The following TBC1D22B variants were observed in gnomAD, a reference collection of about 807,000 sequenced individuals.
TBC1D22B encodes chromosome 6 open reading frame 197.
TBC1D22B carries 32 observed loss-of-function variants against 69.1 expected under a neutral mutation model. That is an observed-to-expected ratio of 0.46 (90% CI 0.35 to 0.62). The LOEUF (loss-of-function observed/expected upper bound fraction) is 0.62. Ranked by LOEUF, TBC1D22B falls within the 20% of genes least tolerant of loss-of-function variation. TBC1D22B has a pLI of 0.00. For synonymous variants in TBC1D22B, 206 were observed against 229.8 expected (o/e 0.90, Z 0.94); for missense variants, 462 against 630.9 (o/e 0.73, Z 2.87).
intron 6 of TBC1D22B, among the ~76,000 whole-genome samples, chr6:37,286,354 C>T (rs1419383509): frequency 1.3e-5 from 2 of 148,482 alleles, no homozygotes; most frequent in African/African-American, 2.5e-5. Context: ...CTTGCTCTGT[C>T]GCCCAGGCTG....
intron 12 of TBC1D22B, among the ~76,000 whole-genome samples, chr6:37,318,923 A>G (rs1768161184): frequency 1.3e-5 from 2 of 152,152 alleles, no homozygotes; most frequent in Non-Finnish European, 2.9e-5. Context: ...TTTAATAGGT[A>G]TATACCTCTT....
chr6:37,332,897 A>T lies in TBC1D22B; in HGVS notation c.*1725A>T. On this transcript the variant is annotated 3_prime_UTR_variant, in exon 13 of 13. Coordinates refer to ENST00000373491, the MANE Select transcript of TBC1D22B (RefSeq NM_017772.4). The stretch of plus-strand genomic sequence containing the variant: ...TCCCAAGTGGTGGTTTTATTTTTTT[A>T]GTTTTTATGTTTGTATGGGAAATTG... 6.6e-6 allele frequency: 1 copy of T among 152,450 alleles called. No individual in the cohort carries two copies. Among genetic ancestry groups the T allele is most frequent in the East Asian group, 1.9e-4 (1 of 5,190 alleles). The allele number at this position is 152,450 out of a possible 1,614,324, so 9.4% of individuals were successfully genotyped here. A position where few individuals can be genotyped will look rare whatever the true frequency, so the allele number is the denominator to read the frequency against.
rs927043787 is a variant in TBC1D22B at position 37,281,418 on chromosome 6, G to A, written c.422-767G>A. Among the ~76,000 whole-genome samples the A allele has an allele frequency of 4.0e-5, 6 of 150,640 alleles. No homozygotes were observed. The South Asian group carries it at 6.2e-4, about 16-fold the overall frequency. On this transcript the variant is annotated intron_variant, in intron 3 of 12. Transcript: ENST00000373491. The stretch of plus-strand genomic sequence containing the variant: ...AATGTCAAGAACAAGACAGAGTTCA[G>A]TTTGAGTCTTTGTTTGTTATTTCAG...
At chr6:37,286,917 C>A in intron 6 of TBC1D22B, 90 bp from the exon 7 acceptor site, 1 of 1,198,796 alleles carries the variant, frequency 8.3e-7, no homozygotes, top group Non-Finnish European at 1.2e-6. Flanking sequence ...GCACTCCAGC[C>A]TGGGGGACAA....
At chr6:37,290,480 G>A (rs909506735) in intron 7 of TBC1D22B, among the ~76,000 whole-genome samples, 3 of 152,138 alleles carry the variant, frequency 2.0e-5, no homozygotes, top group African/African-American at 4.8e-5. Context: ...GTGGGACAGG[G>A]CATGATTATG....
chr6:37,305,701 T>C (rs1207789738), intron 8 of TBC1D22B, among the ~76,000 whole-genome samples: 5 of 152,106 alleles, frequency 3.3e-5, no homozygotes, highest in Non-Finnish European at 7.4e-5. Context: ...TTTGTATTTT[T>C]AGTAGAGACA....
chr6:37,285,219 C>T (rs1192096158), intron 6 of TBC1D22B, among the ~76,000 whole-genome samples: 2 of 151,732 alleles, frequency 1.3e-5, no homozygotes, highest in Non-Finnish European at 2.9e-5. Flanking sequence ...CTGGGAAATC[C>T]CTGAGTTGAA....
At chr6:37,293,003 G>A (rs780110790) in intron 8 of TBC1D22B, among the ~76,000 whole-genome samples, 5 of 151,792 alleles carry the variant, frequency 3.3e-5, no homozygotes, top group Non-Finnish European at 7.4e-5. Flanking sequence ...TCAAAAGCGT[G>A]TGTTCACTTT....
intron 12 of TBC1D22B, among the ~76,000 whole-genome samples, chr6:37,322,472 G>A (rs779107881): frequency 1.6e-4 from 25 of 152,256 alleles, no homozygotes; most frequent in Middle Eastern, 3.4e-3. Context: ...AGCCGAGATC[G>A]TGCCAGTGCA....
At chr6:37,293,313 GT>G (rs1562053233) in intron 8 of TBC1D22B, among the ~76,000 whole-genome samples, 1 of 151,960 alleles carries the variant, frequency 6.6e-6, no homozygotes, top group African/African-American at 2.4e-5. Context: ...TCCTGACCTC[GT>G]GATCCGCCCA....
At chr6:37,275,966 C>CTTTTTTT (rs149995165) in intron 2 of TBC1D22B, among the ~76,000 whole-genome samples, 43 of 133,224 alleles carry the variant, frequency 3.2e-4, no homozygotes, top group African/African-American at 1.1e-3. Context: ...TTCTTTTTTT[C>CTTTTTTT]TTTTTTTTTT....
intron 12 of TBC1D22B, among the ~76,000 whole-genome samples, chr6:37,317,791 G>A (rs1768124957): frequency 6.6e-6 from 1 of 152,122 alleles, no homozygotes; most frequent in African/African-American, 2.4e-5. Context: ...GGAAGGTGAA[G>A]GAGCAAGCCA....
At chr6:37,298,016 AG>A (rs986255221) in intron 8 of TBC1D22B, among the ~76,000 whole-genome samples, 1 of 152,162 alleles carries the variant, frequency 6.6e-6, no homozygotes. Context: ...GGACACAGGG[AG>A]GGGAACATCA....
At chr6:37,316,931 C>T (rs1768101719) in intron 11 of TBC1D22B, 101 bp downstream of exon 11, 2 of 1,573,442 alleles carry the variant, frequency 1.3e-6, no homozygotes, top group Non-Finnish European at 1.7e-6. Context: ...TCCCCTTCTC[C>T]TCTTTTCTAC....
chr6:37,331,179 T>G lies in TBC1D22B; in HGVS notation c.*7T>G. 1 of 1,613,890 alleles carries G rather than the reference T, an allele frequency of 6.2e-7. No homozygotes were observed. Among genetic ancestry groups the G allele is most frequent in the Non-Finnish European group, 8.5e-7 (1 of 1,179,876 alleles). On this transcript the variant is annotated 3_prime_UTR_variant, in exon 13 of 13. Transcript: ENST00000373491. ...AAATCACTACCGCCGATAGGTGCTG[T>G]CTCCTCCGGGGACCCAGACTGCCTT...
intron 8 of TBC1D22B, among the ~76,000 whole-genome samples, chr6:37,296,863 G>T (rs556553119): frequency 6.6e-6 from 1 of 151,068 alleles, no homozygotes; most frequent in African/African-American, 2.4e-5. Flanking sequence ...GTCTCACTCT[G>T]TCGCCCAGAC....
rs145209109 is a variant in TBC1D22B, at chr6:37,324,496, G to T, written c.1390-6548G>T. The T allele has an allele frequency of 7.9e-5, 30 of 381,890 alleles. No homozygotes were observed. In the East Asian group the frequency reaches 2.2e-3, roughly 28 times the overall value. The allele number at this position is 381,890 out of a possible 1,614,324, so 23.7% of individuals were successfully genotyped here. A position where few individuals can be genotyped will look rare whatever the true frequency, so the allele number is the denominator to read the frequency against. Reference sequence around the variant, plus strand: ...CAAAATGCCTTACTGAAATTGTCTGGATGAGCTGCCTGCTGGGTCCAGTGA... The same window carrying T: ...CAAAATGCCTTACTGAAATTGTCTGTATGAGCTGCCTGCTGGGTCCAGTGA... On this transcript the variant is annotated intron_variant, in intron 12 of 12. Transcript: ENST00000373491.
intron 10 of TBC1D22B, 123 bp downstream of exon 10, chr6:37,314,014 T>C: frequency 1.2e-6 from 1 of 856,630 alleles, no homozygotes. Flanking sequence ...GCGCACTGAG[T>C]GCTGCTGGCA....
At chr6:37,312,018 A>C (rs532437360) in intron 8 of TBC1D22B, among the ~76,000 whole-genome samples, 5 of 152,344 alleles carry the variant, frequency 3.3e-5, no homozygotes, top group African/African-American at 1.2e-4. Flanking sequence ...TGTTTTCCTC[A>C]CTTGCATCTC....
Sources: gnomAD v4.1 joint callset for allele counts (sites outside exome capture counted in the v4.1 genomes callset) on GRCh38, gnomAD v4.1.1 for gene constraint, MANE v1.5 for transcripts, NCBI Gene and HGNC (gene_info 2026-07-23, HGNC 2026-07-21) for gene names.